ESR1: variants seen among roughly 807,000 people sequenced by gnomAD.
ESR1 encodes estrogen receptor.
ESR1 carries 12 observed loss-of-function variants against 52.7 expected under a neutral mutation model. The ratio of observed to expected loss-of-function variants is 0.23; its 90% CI spans 0.15 to 0.37. The LOEUF (loss-of-function observed/expected upper bound fraction) is 0.37, where lower values mean the gene tolerates loss of function less well. Among genes scored for constraint, ESR1 ranks in the 10% least tolerant of loss-of-function variants. ESR1 has a pLI of 1.00. For missense variants in ESR1, 584 were observed against 779.7 expected (o/e 0.75, Z 2.99); for synonymous variants, 305 against 316.8 (o/e 0.96, Z 0.39).
intron 6 of ESR1, chr6:152,122,565 CAGG>C: frequency 1.2e-6 from 2 of 1,614,148 alleles, no homozygotes; most frequent in Non-Finnish European, 8.5e-7. Flanking sequence ...TGAGGAGGAG[CAGG>C]AGAAGCTGAA....
chr6:151,708,925 T>C (rs1197959644), intron 2 of ESR1, among the ~76,000 whole-genome samples: 1 of 152,200 alleles, frequency 6.6e-6, no homozygotes, highest in Non-Finnish European at 1.5e-5. Context: ...TGGCTAAATA[T>C]AGCTAATTAA....
At chr6:151,868,000 T>G (rs1456597986) in intron 2 of ESR1, among the ~76,000 whole-genome samples, 2 of 151,566 alleles carry the variant, frequency 1.3e-5, no homozygotes, top group Non-Finnish European at 1.5e-5. Flanking sequence ...TATGCAGGTT[T>G]GTTACAAAGG....
chr6:151,884,998 T>C (rs1793611004), intron 3 of ESR1, among the ~76,000 whole-genome samples: 2 of 151,740 alleles, frequency 1.3e-5, no homozygotes, highest in Non-Finnish European at 1.5e-5. Flanking sequence ...TCTTTACATA[T>C]GGTCCATAAA....
At chr6:152,036,702 G>A (rs775226891) in intron 5 of ESR1, among the ~76,000 whole-genome samples, 1 of 152,138 alleles carries the variant, frequency 6.6e-6, no homozygotes, top group Non-Finnish European at 1.5e-5. Flanking sequence ...GAGAGTCATG[G>A]GCCCAAACCT....
chr6:151,979,078 TC>T (rs1470347844), intron 4 of ESR1, among the ~76,000 whole-genome samples: 4 of 152,166 alleles, frequency 2.6e-5, no homozygotes, highest in Non-Finnish European at 5.9e-5. Flanking sequence ...ATCTTGCATC[TC>T]TGGTGTCTTT....
chr6:151,699,576 C>T (rs1333092688), intron 1 of ESR1, among the ~76,000 whole-genome samples: 1 of 152,112 alleles, frequency 6.6e-6, no homozygotes, highest in Non-Finnish European at 1.5e-5. Context: ...GAAAAATTAA[C>T]CAAGGCAACC....
rs566521170 is a variant in ESR1, at chr6:151,913,672, A to G, written c.761-30501A>G. Among the ~76,000 whole-genome samples the G allele has an allele frequency of 7.1e-4, 108 of 152,276 alleles. 1 individual carries two copies. Among genetic ancestry groups the G allele is most frequent in the Non-Finnish European group, 1.2e-3 (83 of 68,028 alleles). ...TCTTTTTTCCCATTTTAGTCCATAC[A>G]TCTTCAGTTTTAATTTCCTTCTTCC... is the stretch of plus-strand genomic sequence containing the variant. On this transcript the variant is annotated intron_variant, in intron 3 of 7. Coordinates refer to ENST00000206249, the MANE Select transcript of ESR1 (RefSeq NM_000125.4).
chr6:151,917,995 G>A (rs1374480439), intron 3 of ESR1, among the ~76,000 whole-genome samples: 2 of 152,178 alleles, frequency 1.3e-5, no homozygotes, highest in Non-Finnish European at 2.9e-5. Context: ...TTGCAGAGGG[G>A]AATCCCTGTG....
rs987248874 is a variant in ESR1 at position 152,100,869 on chromosome 6, TGTTTGTTTAAGAAGCACCTTA to T, written c.*1925_*1945del. On this transcript the variant is annotated 3_prime_UTR_variant, in exon 8 of 8. Transcript: ENST00000206249. Reference sequence around the variant, plus strand: ...TTTAAGAACATAATTCTTTTGTTGCTGTTTGTTTAAGAAGCACCTTAGTTTGTTTAAGAAGCACCTTATATA... The same window carrying T: ...TTTAAGAACATAATTCTTTTGTTGCTGTTTGTTTAAGAAGCACCTTATATA... 3.0e-5 allele frequency: 7 copies of T among 230,672 alleles called. No homozygotes were observed. Among genetic ancestry groups the T allele is most frequent in the African/African-American group, 6.6e-5 (3 of 45,184 alleles). 14.3% of individuals were successfully genotyped at this position (230,672 alleles called of 1,614,324 possible).
intron 1 of ESR1, among the ~76,000 whole-genome samples, chr6:151,829,592 T>C (rs958404119): frequency 6.6e-6 from 1 of 152,334 alleles, no homozygotes; most frequent in South Asian, 2.1e-4. Flanking sequence ...TCCATTTTAT[T>C]TCTCTAAGGA....
chr6:151,977,216 C>T (rs1180173547), intron 4 of ESR1, among the ~76,000 whole-genome samples: 1 of 151,970 alleles, frequency 6.6e-6, no homozygotes, highest in African/African-American at 2.4e-5. Context: ...GGCATGTAAT[C>T]CAGCCAAAGA....
chr6:151,836,435 T>C (rs1783345361), intron 1 of ESR1, among the ~76,000 whole-genome samples: 1 of 152,118 alleles, frequency 6.6e-6, no homozygotes, highest in South Asian at 2.1e-4. Context: ...TCATGAGAAA[T>C]ATTCACTATC....
intron 5 of ESR1, among the ~76,000 whole-genome samples, chr6:152,012,694 T>C (rs1294491838): frequency 1.3e-5 from 2 of 152,190 alleles, no homozygotes; most frequent in African/African-American, 4.8e-5. Flanking sequence ...TGATGCCTCC[T>C]TTGGTCTGCT....
At position 152,091,738 on chromosome 6, in the gene ESR1, C is replaced by T. The variant is rs550086778; in HGVS notation, c.1370-2647C>T. On this transcript the variant is annotated intron_variant, in intron 6 of 7. Coordinates refer to ENST00000206249, the MANE Select transcript of ESR1 (RefSeq NM_000125.4). The stretch of plus-strand genomic sequence containing the variant: ...CTGAGGTCCCAGCACGGTGTGCCTT[C>T]ACACCGTGCAAACAATAAGAAGAGA... 3.9e-5 allele frequency among the ~76,000 whole-genome samples: 6 copies of T among 152,214 alleles called. No homozygotes were observed. In the South Asian group the frequency reaches 1.2e-3, roughly 32 times the overall value.
intron 6 of ESR1, among the ~76,000 whole-genome samples, chr6:152,082,193 C>A (rs773325321): frequency 1.3e-5 from 2 of 152,142 alleles, no homozygotes; most frequent in Non-Finnish European, 2.9e-5. Context: ...CCCTGATGAA[C>A]ATCGATGTGA....
chr6:151,928,772 A>G (rs978122546), intron 3 of ESR1, among the ~76,000 whole-genome samples: 2 of 152,054 alleles, frequency 1.3e-5, no homozygotes, highest in Non-Finnish European at 2.9e-5. Context: ...ATCTTCATTT[A>G]GCTCAAAATA....
chr6:151,765,271 TG>T (rs1268849856), intron 2 of ESR1, among the ~76,000 whole-genome samples: 14 of 152,206 alleles, frequency 9.2e-5, no homozygotes, highest in African/African-American at 3.1e-4. Context: ...AATTTACATT[TG>T]AAAAAAATAG....
upstream of ESR1, chr6:151,690,400 G>T (rs1778856890): frequency 1.3e-5 from 2 of 152,108 alleles, no homozygotes; most frequent in Admixed American, 1.3e-4. Flanking sequence ...CAAAAGCAAG[G>T]CCACCCCCTC....
At chr6:151,934,037 A>G (rs2034050767) in intron 3 of ESR1, among the ~76,000 whole-genome samples, 1 of 152,196 alleles carries the variant, frequency 6.6e-6, no homozygotes, top group Non-Finnish European at 1.5e-5. Context: ...CTTTCAGAGT[A>G]TAATGCAAAG....
Sources: allele counts gnomAD v4.1 joint callset (sites outside exome capture counted in the v4.1 genomes callset), GRCh38; gene constraint gnomAD v4.1.1; transcripts MANE v1.5; gene names NCBI Gene and HGNC (gene_info 2026-07-23, HGNC 2026-07-21).